The following SLC16A1 variants were observed in gnomAD, a reference collection of about 807,000 sequenced individuals.
SLC16A1 encodes solute carrier family 16 member 1, also known as monocarboxylate transporter 1.
A neutral mutation model predicts 32.2 loss-of-function variants in SLC16A1; 11 were observed. That is an observed-to-expected ratio of 0.34 (90% CI 0.21 to 0.56). The LOEUF (loss-of-function observed/expected upper bound fraction) is 0.56, where lower values mean the gene tolerates loss of function less well. Ranked by LOEUF, SLC16A1 falls within the 20% of genes least tolerant of loss-of-function variation. SLC16A1 has a pLI of 0.87. For synonymous variants in SLC16A1, 231 were observed against 226.8 expected, an observed-to-expected ratio of 1.02 and a Z score of -0.17; for missense variants, 435 against 615.0, an observed-to-expected ratio of 0.71 and a Z score of 3.10.
intron 1 of SLC16A1, among the ~76,000 whole-genome samples, chr1:112,934,844 T>C (rs1373921651): frequency 6.6e-6 from 1 of 152,180 alleles, no homozygotes. Context: ...TTGATTTTGC[T>C]AGCAAAGATT....
chr1:112,923,427 C>T (rs1303428300), intron 2 of SLC16A1: 2 of 676,220 alleles, frequency 3.0e-6, no homozygotes, highest in East Asian at 5.6e-5. Context: ...GCCATCATGT[C>T]CCGGCCCTCC....
In SLC16A1 at chr1:112,939,750, C is replaced by T. The variant is rs181130950; in HGVS notation, c.-44-10398G>A. Among the ~76,000 whole-genome samples, 283 of 152,166 alleles carry T rather than the reference C, an allele frequency of 1.9e-3. 1 individual carries two copies. The highest frequency in any genetic ancestry group is 2.9e-3 in the Non-Finnish European group (197 of 68,010). ...GAACTCCTGACCTCAGGTGATCCACCCACCTCGGTCTCCCAAAGTATTGGG... is the reference window on the plus strand; with the variant it reads ...GAACTCCTGACCTCAGGTGATCCACTCACCTCGGTCTCCCAAAGTATTGGG... On this transcript the variant is annotated intron_variant, in intron 1 of 4. Transcript: ENST00000369626.
At chr1:112,949,116 A>G (rs1649803480) in intron 1 of SLC16A1, among the ~76,000 whole-genome samples, 1 of 151,582 alleles carries the variant, frequency 6.6e-6, no homozygotes, top group South Asian at 2.1e-4. Context: ...TCGCACTCCC[A>G]AAGTGCTGGG....
chr1:112,942,992 T>C (rs529012711), intron 1 of SLC16A1, among the ~76,000 whole-genome samples: 2 of 152,288 alleles, frequency 1.3e-5, no homozygotes, highest in East Asian at 3.9e-4. Flanking sequence ...TCCTCTTTTG[T>C]CAATCTCAGC....
chr1:112,917,046 G>T lies in SLC16A1; in HGVS notation c.1228+132C>A. 8.7e-7 allele frequency: 1 copy of T among 1,145,888 alleles called. No individual in the cohort carries two copies. The highest frequency in any genetic ancestry group is 1.3e-6 in the Non-Finnish European group (1 of 785,080). The allele number at this position is 1,145,888 out of a possible 1,614,324, so 71.0% of individuals were successfully genotyped here. A position where few individuals can be genotyped will look rare whatever the true frequency, so the allele number is the denominator to read the frequency against. On this transcript the variant is annotated intron_variant, in intron 4 of 4. Coordinates refer to ENST00000369626, the MANE Select transcript of SLC16A1 (RefSeq NM_003051.4). The surrounding 1 kb of genome is among the most constrained non-coding windows in gnomAD (Gnocchi z 4.1). Reference sequence around the variant, plus strand: ...TTATGCTGTGCCAAGCATTGTCCCAGCATCAAGGGTACATAAATGAGAAAG... The same window carrying T: ...TTATGCTGTGCCAAGCATTGTCCCATCATCAAGGGTACATAAATGAGAAAG...
chr1:112,951,718 C>A (rs1252910067), intron 1 of SLC16A1, among the ~76,000 whole-genome samples: 1 of 152,138 alleles, frequency 6.6e-6, no homozygotes, highest in Non-Finnish European at 1.5e-5. Context: ...ATGTTAACAT[C>A]AAGTGCTAAA....
At chr1:112,934,937 C>T (rs1649248423) in intron 1 of SLC16A1, among the ~76,000 whole-genome samples, 1 of 152,180 alleles carries the variant, frequency 6.6e-6, no homozygotes, top group African/African-American at 2.4e-5. Flanking sequence ...CAATGCCAAT[C>T]TAACACAGTT....
Position 112,917,031 on chromosome 1 carries a change from C to T in SLC16A1, c.1228+147G>A. On this transcript the variant is annotated intron_variant, in intron 4 of 4. Transcript: ENST00000369626. This position sits in a 1 kb window ranked among gnomAD's most constrained non-coding sequence, Gnocchi z 4.1. ...TCTATATTTGAGCAATTATGCTGTG[C>T]CAAGCATTGTCCCAGCATCAAGGGT... The T allele has an allele frequency of 2.0e-6, 2 of 999,414 alleles. No individual in the cohort carries two copies. The highest frequency in any genetic ancestry group is 3.1e-6 in the Non-Finnish European group (2 of 655,408). 61.9% of individuals were successfully genotyped at this position (999,414 alleles called of 1,614,324 possible). A position where few individuals can be genotyped will look rare whatever the true frequency, so the allele number is the denominator to read the frequency against.
At chr1:112,926,328 C>T (rs570083007) in intron 2 of SLC16A1, among the ~76,000 whole-genome samples, 2 of 152,296 alleles carry the variant, frequency 1.3e-5, no homozygotes, top group South Asian at 4.2e-4. Context: ...CAGTGGCTCA[C>T]GCCTGTAATC....
intron 1 of SLC16A1, among the ~76,000 whole-genome samples, chr1:112,931,644 CAAA>C (rs561013159): frequency 0.22 from 13,349 of 60,664 alleles, 456 homozygotes; most frequent in Non-Finnish European, 0.32. Flanking sequence ...TACTCTGTCT[CAAA>C]AAAAAAAAAA....
At chr1:112,941,967 G>C (rs1649527100) in intron 1 of SLC16A1, among the ~76,000 whole-genome samples, 1 of 151,878 alleles carries the variant, frequency 6.6e-6, no homozygotes, top group Non-Finnish European at 1.5e-5. Context: ...TGCAGTTCAA[G>C]TATGACCCCC....
chr1:112,921,802 C>A (rs1262483847), intron 3 of SLC16A1, among the ~76,000 whole-genome samples, 188 bp downstream of exon 3: 1 of 152,144 alleles, frequency 6.6e-6, no homozygotes, highest in African/African-American at 2.4e-5. Flanking sequence ...AATAAATATC[C>A]ATTATATAAT....
At chr1:112,944,994 C>CTTTT (rs151186476) in intron 1 of SLC16A1, among the ~76,000 whole-genome samples, 2 of 123,306 alleles carry the variant, frequency 1.6e-5, no homozygotes, top group Non-Finnish European at 1.7e-5. Context: ...CACCCAGCCT[C>CTTTT]TTTTTTTTTT....
chr1:112,914,220 TC>T (rs1329729688), intron 4 of SLC16A1, 55 bp from the exon 5 acceptor site: 71 of 1,595,246 alleles, frequency 4.5e-5, no homozygotes, highest in Non-Finnish European at 5.8e-5. Flanking sequence ...AGTTTTTTTT[TC>T]CCCCAAGCAA....
At chr1:112,939,768 G>GT (rs1649441119) in intron 1 of SLC16A1, among the ~76,000 whole-genome samples, 2 of 152,094 alleles carry the variant, frequency 1.3e-5, no homozygotes, top group Admixed American at 6.6e-5. Context: ...GTCTCCCAAA[G>GT]TATTGGGATT....
At chr1:112,920,083 A>G (rs571005191) in intron 3 of SLC16A1, among the ~76,000 whole-genome samples, 1 of 152,366 alleles carries the variant, frequency 6.6e-6, no homozygotes, top group East Asian at 1.9e-4. Context: ...ATAAATTAAT[A>G]AAAGAGCAAA....
chr1:112,946,137 T>A (rs1649697387), intron 1 of SLC16A1, among the ~76,000 whole-genome samples: 1 of 152,226 alleles, frequency 6.6e-6, no homozygotes, highest in Admixed American at 6.5e-5. Context: ...TATTTTTTAT[T>A]CATATTGCCA....
intron 2 of SLC16A1, among the ~76,000 whole-genome samples, chr1:112,922,804 T>A (rs541103839): frequency 1.5e-4 from 23 of 152,046 alleles, no homozygotes; most frequent in Non-Finnish European, 3.1e-4. Flanking sequence ...CAAAAACATG[T>A]TAGTAGAAAG....
intron 1 of SLC16A1, among the ~76,000 whole-genome samples, chr1:112,951,804 GAC>G (rs1461613787): frequency 2.0e-5 from 3 of 152,158 alleles, no homozygotes; most frequent in Admixed American, 2.0e-4. Flanking sequence ...TCCAGAAAAC[GAC>G]AGTGTCTCAA....
Sources: allele counts gnomAD v4.1 joint callset (sites outside exome capture counted in the v4.1 genomes callset), GRCh38; gene constraint gnomAD v4.1.1; non-coding constraint Gnocchi (gnomAD v3.1); transcripts MANE v1.5; gene names NCBI Gene and HGNC (gene_info 2026-07-23, HGNC 2026-07-21).